Variants in SLC7A2 observed in about 807,000 individuals in gnomAD.
SLC7A2 encodes the protein cationic amino acid transporter 2.
Under a neutral mutation model 58.9 loss-of-function variants are expected in SLC7A2, and 48 were observed. The ratio of observed to expected loss-of-function variants is 0.82; its 90% confidence interval spans 0.65 to 1.04. SLC7A2 has a LOEUF of 1.04. Among genes scored for constraint, SLC7A2 ranks in the 50% least tolerant of loss-of-function variants. The pLI is 0.00. For missense variants in SLC7A2, 1,029 were observed against 818.8 expected, an observed-to-expected ratio of 1.26 and a Z score of -3.13; for synonymous variants, 363 against 314.5, an observed-to-expected ratio of 1.15 and a Z score of -1.63.
intron 11 of SLC7A2, among the ~76,000 whole-genome samples, 177 bp from the exon 12 acceptor site, chr8:17,563,426 C>T (rs949361414): frequency 2.0e-5 from 3 of 152,074 alleles, no homozygotes; most frequent in African/African-American, 7.3e-5. Context: ...GTGCCTTGAG[C>T]TTTAGTAAAT....
At position 17,553,189 on chromosome 8, in the gene SLC7A2, A is replaced by G. The variant is rs535292345; in HGVS notation, c.1055+1203A>G. Among the ~76,000 whole-genome samples, 23 of 152,212 alleles carry G rather than the reference A, an allele frequency of 1.5e-4. 1 individual carries two copies. Among genetic ancestry groups the G allele is most frequent in the African/African-American group, 5.1e-4 (21 of 41,516 alleles). The stretch of plus-strand genomic sequence containing the variant: ...CAGTTCAGCCTCCTGAGTAGCTAGG[A>G]TACAGGCACGTAACACCATACCTGG... On this transcript the variant is annotated intron_variant, in intron 7 of 12. Coordinates refer to ENST00000494857, the MANE Select transcript of SLC7A2 (RefSeq NM_001370338.1).
At position 17,521,805 on chromosome 8, in the gene SLC7A2, AG is replaced by A. The variant is rs1801026349; in HGVS notation, c.-23+19505del. Among the ~76,000 whole-genome samples, 4 of 152,258 alleles carry A rather than the reference AG, an allele frequency of 2.6e-5. No individual in the cohort carries two copies. In the South Asian group the frequency reaches 8.3e-4, roughly 31 times the overall value. ...TTGCTAGCATACAGCCAGCTGCAAA[AG>A]GAAGAAATCAAACCCAAATGTGGAA... On this transcript the variant is annotated intron_variant, in intron 2 of 12. Transcript: ENST00000494857.
At chr8:17,548,946 A>T (rs1178081082) in intron 5 of SLC7A2, 103 bp downstream of exon 5, 14 of 935,382 alleles carry the variant, frequency 1.5e-5, no homozygotes, top group Admixed American at 2.4e-5. Flanking sequence ...CATACCCATG[A>T]CTGGGTAATT....
chr8:17,543,286 G>T, intron 2 of SLC7A2, 32 bp from the exon 3 acceptor site: 2 of 1,554,542 alleles, frequency 1.3e-6, no homozygotes, highest in Non-Finnish European at 1.7e-6. Flanking sequence ...GACAATTCCA[G>T]ATCAGCTTCT....
chr8:17,515,637 G>A (rs1041988977), intron 2 of SLC7A2, among the ~76,000 whole-genome samples: 1 of 151,996 alleles, frequency 6.6e-6, no homozygotes, highest in African/African-American at 2.4e-5. Flanking sequence ...GTGGGGTGGC[G>A]GGTTTTTGGC....
At chr8:17,502,704 A>G (rs1800212779) in intron 2 of SLC7A2, among the ~76,000 whole-genome samples, 1 of 152,130 alleles carries the variant, frequency 6.6e-6, no homozygotes, top group Non-Finnish European at 1.5e-5. Context: ...TAGTCTACTC[A>G]GGCAGATTAT....
chr8:17,507,416 G>A (rs1800415688), intron 2 of SLC7A2, among the ~76,000 whole-genome samples: 1 of 152,006 alleles, frequency 6.6e-6, no homozygotes, highest in Non-Finnish European at 1.5e-5. Flanking sequence ...GTCTCACTGT[G>A]TTGCCCAGGC....
chr8:17,563,170 A>G (rs1803101386), intron 11 of SLC7A2, among the ~76,000 whole-genome samples: 1 of 152,118 alleles, frequency 6.6e-6, no homozygotes, highest in Non-Finnish European at 1.5e-5. Context: ...TAAATTGAAC[A>G]TTAAAAAGAT....
chr8:17,529,553 T>TA (rs1206311527), intron 2 of SLC7A2, among the ~76,000 whole-genome samples: 2 of 149,360 alleles, frequency 1.3e-5, no homozygotes, highest in Non-Finnish European at 3.0e-5. Flanking sequence ...TTTTGAGAGA[T>TA]AGAGTCTTGC....
At chr8:17,526,939 G>A (rs1479767484) in intron 2 of SLC7A2, among the ~76,000 whole-genome samples, 4 of 152,166 alleles carry the variant, frequency 2.6e-5, no homozygotes, top group Non-Finnish European at 5.9e-5. Flanking sequence ...CGAGAGAAAT[G>A]TGGATTTCCA....
At chr8:17,516,294 C>T (rs963423434) in intron 2 of SLC7A2, among the ~76,000 whole-genome samples, 1 of 151,916 alleles carries the variant, frequency 6.6e-6, no homozygotes, top group African/African-American at 2.4e-5. Flanking sequence ...GGCAAGATCT[C>T]GGCTCACTGC....
upstream of SLC7A2, chr8:17,496,947 G>C (rs898985075): frequency 4.0e-5 from 6 of 151,490 alleles, no homozygotes; most frequent in Non-Finnish European, 7.4e-5. Context: ...CCCACCCCGG[G>C]GATTGGTCAG....
At chr8:17,512,013 T>A (rs1800622746) in intron 2 of SLC7A2, among the ~76,000 whole-genome samples, 1 of 152,204 alleles carries the variant, frequency 6.6e-6, no homozygotes, top group Non-Finnish European at 1.5e-5. Context: ...AAAGTTTCCT[T>A]TTTCTTCTTT....
chr8:17,531,517 C>A (rs1322925500), intron 2 of SLC7A2, among the ~76,000 whole-genome samples: 3 of 151,938 alleles, frequency 2.0e-5, no homozygotes, highest in Admixed American at 2.0e-4. Context: ...GAATTATATT[C>A]TTTGTAAAAC....
chr8:17,540,345 C>G (rs1406412360), intron 2 of SLC7A2, among the ~76,000 whole-genome samples: 1 of 152,074 alleles, frequency 6.6e-6, no homozygotes, highest in Admixed American at 6.5e-5. Flanking sequence ...AAGTTTCTGA[C>G]GTATGTTTTT....
At chr8:17,506,765 T>G (rs1480060612) in intron 2 of SLC7A2, among the ~76,000 whole-genome samples, 7 of 152,062 alleles carry the variant, frequency 4.6e-5, no homozygotes, top group Admixed American at 4.6e-4. Flanking sequence ...GGAATTTTTT[T>G]TTTTGAGACA....
upstream of SLC7A2, among the ~76,000 whole-genome samples, chr8:17,496,099 A>G (rs926039649): frequency 6.6e-6 from 1 of 152,198 alleles, no homozygotes; most frequent in Non-Finnish European, 1.5e-5. Context: ...TTACTCCAAT[A>G]CTATGCAAAG....
At chr8:17,523,265 A>G (rs1801089258) in intron 2 of SLC7A2, among the ~76,000 whole-genome samples, 1 of 152,144 alleles carries the variant, frequency 6.6e-6, no homozygotes, top group African/African-American at 2.4e-5. Flanking sequence ...AGAACTAGGA[A>G]AAACAATCCT....
In SLC7A2 at chr8:17,548,846, A is replaced by G; in HGVS notation, c.698+3A>G. 6.6e-7 allele frequency: 1 copy of G among 1,504,848 alleles called. No homozygotes were observed. Among genetic ancestry groups the G allele is most frequent in the African/African-American group, 2.0e-5 (1 of 50,538 alleles). The allele number at this position is 1,504,848 out of a possible 1,614,324, so 93.2% of individuals were successfully genotyped here. On this transcript the variant is annotated splice_donor_region_variant and intron_variant, in intron 5 of 12. Transcript: ENST00000494857. ...AAAAATATATCAGCAAGTGCCAGGT[A>G]AAATATTTGAGGTTTTTTTTTTTCT...
Sources: allele counts gnomAD v4.1 joint callset (sites outside exome capture counted in the v4.1 genomes callset), GRCh38; gene constraint gnomAD v4.1.1; transcripts MANE v1.5; gene names NCBI Gene and HGNC (gene_info 2026-07-23, HGNC 2026-07-21).